HHIPL2: variants seen among roughly 807,000 people sequenced by gnomAD.
HHIPL2 encodes the protein HHIP-like protein 2.
A neutral mutation model predicts 61.0 loss-of-function variants in HHIPL2; 61 were observed. The ratio of observed to expected loss-of-function variants is 1.00; its 90% CI spans 0.81 to 1.24. The LOEUF (loss-of-function observed/expected upper bound fraction) is 1.24. HHIPL2 is among the 50% of genes most tolerant of loss of function. HHIPL2 has a pLI of 0.00. For synonymous variants in HHIPL2, 343 were observed against 357.4 expected (o/e 0.96, Z 0.45); for missense variants, 885 against 910.2 (o/e 0.97, Z 0.36).
intron 3 of HHIPL2, among the ~76,000 whole-genome samples, chr1:222,540,788 G>A (rs1422340808): frequency 1.3e-5 from 2 of 152,244 alleles, no homozygotes; most frequent in African/African-American, 4.8e-5. Flanking sequence ...CTCTGCCAAT[G>A]ACTGTGGTCT....
intron 7 of HHIPL2, among the ~76,000 whole-genome samples, chr1:222,526,268 A>T (rs1350325203): frequency 2.6e-5 from 4 of 152,190 alleles, no homozygotes; most frequent in African/African-American, 9.6e-5. Flanking sequence ...GCTATTGAGG[A>T]ACCTGCCAGT....
intron 8 of HHIPL2, among the ~76,000 whole-genome samples, chr1:222,523,120 TC>T (rs1347115852): frequency 2.6e-5 from 4 of 152,052 alleles, no homozygotes; most frequent in Non-Finnish European, 5.9e-5. Context: ...CTTTCCTGAC[TC>T]CCCACCCTGC....
chr1:222,543,328 T>C (rs190871151), intron 2 of HHIPL2, among the ~76,000 whole-genome samples: 22 of 152,356 alleles, frequency 1.4e-4, no homozygotes, highest in Admixed American at 1.4e-3. Flanking sequence ...TGTCTTTATT[T>C]AGGGTAACTG....
rs1327774783 is a variant in HHIPL2, at chr1:222,540,142, T to A, written c.1318A>T (p.Ile440Leu). The A allele has an allele frequency of 6.2e-7, 1 of 1,614,246 alleles. No individual in the cohort carries two copies. Among genetic ancestry groups the A allele is most frequent in the Admixed American group, 1.7e-5 (1 of 60,020 alleles). Residue 440 changes from isoleucine to leucine, a missense_variant, in exon 4 of 9, where the codon ATA becomes TTA. Physicochemically the swap from Ile to Leu is conservative, Grantham distance 5 (BLOSUM62 2). Coordinates refer to ENST00000343410, the MANE Select transcript of HHIPL2 (RefSeq NM_024746.4). ...TTCTGGCCCACGTCCCCACAGAATA[T>A]CCGGCCTCGGCCCTGGCGCGTGATG... is the stretch of plus-strand genomic sequence containing the variant. ...DPITRQGRGR[I>L]FCGDVGQNRF...
At chr1:222,539,727 A>G (rs1222474108) in intron 4 of HHIPL2, among the ~76,000 whole-genome samples, 1 of 152,144 alleles carries the variant, frequency 6.6e-6, no homozygotes, top group Admixed American at 6.5e-5. Context: ...TATTTAAAAT[A>G]CAGATTCCTG....
chr1:222,541,826 A>G, intron 3 of HHIPL2, among the ~76,000 whole-genome samples, 186 bp downstream of exon 3: 1 of 152,294 alleles, frequency 6.6e-6, no homozygotes, highest in East Asian at 1.9e-4. Context: ...AGCATCAATA[A>G]TATTAACTAC....
chr1:222,535,281 A>G (rs1312862550), intron 5 of HHIPL2, among the ~76,000 whole-genome samples: 1 of 152,236 alleles, frequency 6.6e-6, no homozygotes, highest in Non-Finnish European at 1.5e-5. Context: ...AGTGAAAACA[A>G]TTCATCACTA....
At position 222,522,536 on chromosome 1, in the gene HHIPL2, G is replaced by A. The variant is rs1361922079; in HGVS notation, c.*65C>T. On this transcript the variant is annotated 3_prime_UTR_variant, in exon 9 of 9. Coordinates refer to ENST00000343410, the MANE Select transcript of HHIPL2 (RefSeq NM_024746.4). ...ACTTCTAAGGTCTTTATTCAGCAGTGACTTTCATTTGATGAGGTGGCTCTC... is the reference window on the plus strand; with the variant it reads ...ACTTCTAAGGTCTTTATTCAGCAGTAACTTTCATTTGATGAGGTGGCTCTC... The A allele has an allele frequency of 1.0e-5, 16 of 1,538,458 alleles. No individual in the cohort carries two copies. Among genetic ancestry groups the A allele is most frequent in the Non-Finnish European group, 1.3e-5 (15 of 1,134,600 alleles).
chr1:222,543,998 G>A lies in HHIPL2; in HGVS notation c.513C>T (p.Leu171=). 2.5e-6 allele frequency: 4 copies of A among 1,614,192 alleles called. No homozygotes were observed. Among genetic ancestry groups the A allele is most frequent in the Non-Finnish European group, 3.4e-6 (4 of 1,180,036 alleles). The change falls in exon 2 of 9, where the codon CTC becomes CTT. Residue 171 remains leucine (L), a synonymous_variant. Coordinates refer to ENST00000343410, the MANE Select transcript of HHIPL2 (RefSeq NM_024746.4). ...HGRDGTRFCH[L]LDLPDKDYCF... ...AATAGTCCTTGTCAGGAAGGTCCAG[G>A]AGGTGGCAGAAGCGGGTACCGTCCC...
chr1:222,546,278 T>C (rs1659555471), intron 1 of HHIPL2, among the ~76,000 whole-genome samples: 1 of 152,176 alleles, frequency 6.6e-6, no homozygotes, highest in African/African-American at 2.4e-5. Context: ...GGCACAAAAC[T>C]TGGAGCCTGA....
intron 8 of HHIPL2, 35 bp downstream of exon 8, chr1:222,523,577 C>A: frequency 6.3e-7 from 1 of 1,598,262 alleles, no homozygotes; most frequent in Non-Finnish European, 8.6e-7. Flanking sequence ...GCCTCCACAC[C>A]AAGGCCTGAG....
At chr1:222,539,901 G>T in intron 4 of HHIPL2, 109 bp downstream of exon 4, 1 of 887,526 alleles carries the variant, frequency 1.1e-6, no homozygotes, top group Non-Finnish European at 1.8e-6. Flanking sequence ...ACACAAACAA[G>T]GCGTGATTTA....
rs1658984678 is a variant in HHIPL2 at position 222,522,863 on chromosome 1, T to A, written c.1913A>T (p.Glu638Val). 1 of 1,614,158 alleles carries A rather than the reference T, an allele frequency of 6.2e-7. No homozygotes were observed. The highest frequency in any genetic ancestry group is 1.7e-5 in the Admixed American group (1 of 60,020). The change falls in exon 9 of 9, where the codon GAA becomes GTA. Residue 638 changes from glutamate to valine, a missense_variant. Glu to Val is a moderately radical substitution (Grantham distance 121). Coordinates refer to ENST00000343410, the MANE Select transcript of HHIPL2 (RefSeq NM_024746.4). ...LAKTVLDLLK[E>V]QSEKAARKSS... ...TTTTCTAGCAGCTTTCTCTGATTGT[T>A]CCTTTAGCAAGTCCAAGACTGTCTC...
At position 222,544,117 on chromosome 1, in the gene HHIPL2, G is replaced by C. The variant is rs1040147904; in HGVS notation, c.394C>G (p.Leu132Val). The stretch of plus-strand genomic sequence containing the variant: ...AAGGCAGAGCAGTAATCAGAGCAGA[G>C]GCCCGGGAGATTCCGGAGAGGCGTC... ...TQTPLRNLPG[L>V]CSDYCSAFHS... Residue 132 changes from leucine to valine, a missense_variant, in exon 2 of 9, where the codon CTC becomes GTC. Leu to Val is a conservative substitution (Grantham distance 32). Transcript: ENST00000343410. The C allele has an allele frequency of 6.2e-7, 1 of 1,613,980 alleles. No homozygotes were observed. The highest frequency in any genetic ancestry group is 8.5e-7 in the Non-Finnish European group (1 of 1,180,046).
chr1:222,546,517 T>G (rs1659559629), intron 1 of HHIPL2, among the ~76,000 whole-genome samples: 1 of 152,224 alleles, frequency 6.6e-6, no homozygotes, highest in Non-Finnish European at 1.5e-5. Context: ...ACAACAGAGC[T>G]GCTGACTTTG....
In HHIPL2 at chr1:222,539,099, T is replaced by A. The variant is rs567325407; in HGVS notation, c.1451-325A>T. 1.7e-5 allele frequency: 5 copies of A among 286,344 alleles called. No homozygotes were observed. In the South Asian group the frequency reaches 3.4e-4, roughly 19 times the overall value. The allele number at this position is 286,344 out of a possible 1,614,324, so 17.7% of individuals were successfully genotyped here. A position where few individuals can be genotyped will look rare whatever the true frequency, so the allele number is the denominator to read the frequency against. On this transcript the variant is annotated intron_variant, in intron 4 of 8. Coordinates refer to ENST00000343410, the MANE Select transcript of HHIPL2 (RefSeq NM_024746.4). ...TGGCAGAAACCCAGGTTTAAGGATA[T>A]GGAAAATATTGTCACAGTCTGTAAG...
chr1:222,542,288 TAAGGATCACAAAGC>T (rs1235396779), intron 2 of HHIPL2, 133 bp from the exon 3 acceptor site: 9 of 973,188 alleles, frequency 9.2e-6, no homozygotes, highest in Non-Finnish European at 1.4e-5. Flanking sequence ...TCTGAGTTTT[TAAGGATCACAAAGC>T]AAGTAGCTTT....
chr1:222,540,691 A>G (rs1659413755), intron 3 of HHIPL2, among the ~76,000 whole-genome samples: 1 of 152,242 alleles, frequency 6.6e-6, no homozygotes, highest in East Asian at 1.9e-4. Context: ...CTAATATGAC[A>G]AAGTTTTTCA....
intron 6 of HHIPL2, among the ~76,000 whole-genome samples, chr1:222,529,661 T>C (rs1038246959): frequency 1.3e-5 from 2 of 152,334 alleles, no homozygotes; most frequent in Admixed American, 6.5e-5. Context: ...CAAAAATGCA[T>C]GCTATACAAA....
Sources: allele counts gnomAD v4.1 joint callset (sites outside exome capture counted in the v4.1 genomes callset), GRCh38; gene constraint gnomAD v4.1.1; transcripts MANE v1.5; gene names NCBI Gene and HGNC (gene_info 2026-07-23, HGNC 2026-07-21).